SAMD4B: variants seen among roughly 807,000 people sequenced by gnomAD.
SAMD4B encodes protein Smaug homolog 2.
In SAMD4B, 5 loss-of-function variants were observed where a neutral mutation model predicts 74.5. The ratio of observed to expected loss-of-function variants is 0.07; its 90% confidence interval spans 0.04 to 0.14. The LOEUF (loss-of-function observed/expected upper bound fraction) is 0.14, where lower values mean the gene tolerates loss of function less well. Among genes scored for constraint, SAMD4B ranks in the 10% least tolerant of loss-of-function variants. The pLI is 1.00. For synonymous variants in SAMD4B, 373 were observed against 374.9 expected, an observed-to-expected ratio of 1.00 and a Z score of 0.06; for missense variants, 608 against 921.8, an observed-to-expected ratio of 0.66 and a Z score of 4.41.
At chr19:39,367,261 A>G (rs903312348) in intron 3 of SAMD4B, among the ~76,000 whole-genome samples, 2 of 152,114 alleles carry the variant, frequency 1.3e-5, no homozygotes, top group Non-Finnish European at 2.9e-5. Context: ...GCCCATTTCC[A>G]AGACCTCACC....
chr19:39,344,790 A>C (rs2075590529), intron 1 of SAMD4B, among the ~76,000 whole-genome samples: 1 of 151,970 alleles, frequency 6.6e-6, no homozygotes. Context: ...TTGAAATCCC[A>C]GTGCTCCGAG....
intron 3 of SAMD4B, among the ~76,000 whole-genome samples, chr19:39,366,142 G>GC (rs1230225941): frequency 6.6e-6 from 1 of 152,064 alleles, no homozygotes; most frequent in Non-Finnish European, 1.5e-5. Flanking sequence ...ATGGTTAAAC[G>GC]CCCCCTCCAC....
intron 3 of SAMD4B, among the ~76,000 whole-genome samples, chr19:39,366,177 G>A (rs1489500295): frequency 1.3e-5 from 2 of 152,188 alleles, no homozygotes. Context: ...TTAGCCGGGT[G>A]TCATGGTATG....
intron 3 of SAMD4B, among the ~76,000 whole-genome samples, chr19:39,364,674 G>A (rs778133101): frequency 9.2e-5 from 14 of 152,172 alleles, no homozygotes; most frequent in Non-Finnish European, 1.6e-4. Flanking sequence ...GTACCACAGA[G>A]TTCTTATCGT....
At position 39,371,439 on chromosome 19, in the gene SAMD4B, G is replaced by A. The variant is rs2077289531; in HGVS notation, c.667+1314G>A. Among the ~76,000 whole-genome samples the A allele has an allele frequency of 2.0e-5, 3 of 152,310 alleles. No individual in the cohort carries two copies. In the South Asian group the frequency reaches 6.2e-4, roughly 32 times the overall value. ...TTCAGGAAACTTAGCAACCTGAGGT[G>A]TCTTGGACCTCATTTTCCAGTCATG... On this transcript the variant is annotated intron_variant, in intron 4 of 13. Transcript: ENST00000610417.
intron 1 of SAMD4B, chr19:39,352,248 T>C (rs2145308924): frequency 6.6e-6 from 1 of 152,304 alleles, no homozygotes; most frequent in South Asian, 2.1e-4. Context: ...CTAGATCTTC[T>C]CCACCAGTCA....
intron 4 of SAMD4B, 94 bp downstream of exon 4, chr19:39,370,219 G>T: frequency 7.9e-7 from 1 of 1,260,744 alleles, no homozygotes; most frequent in Non-Finnish European, 1.1e-6. Context: ...CATTAGACAA[G>T]TCACATAAGC....
At chr19:39,390,709 G>A, downstream of SAMD4B, 1 of 1,183,066 alleles carries the variant, frequency 8.5e-7, no homozygotes, top group South Asian at 1.3e-5. Flanking sequence ...CTTCGTCAAA[G>A]GTGAGCGCTT....
chr19:39,376,372 CT>C, intron 5 of SAMD4B, 64 bp from the exon 6 acceptor site: 5 of 1,393,466 alleles, frequency 3.6e-6, no homozygotes, highest in Non-Finnish European at 5.0e-6. Context: ...ATCCCCACAA[CT>C]TTTCCTTTAC....
chr19:39,359,941 T>C (rs2076549870), intron 3 of SAMD4B: 1 of 152,160 alleles, frequency 6.6e-6, no homozygotes, highest in Non-Finnish European at 1.5e-5. Context: ...ATCCCAGCAC[T>C]TTGGGAGGCC....
Position 39,375,854 on chromosome 19 carries a change from G to A in SAMD4B, c.872G>A (p.Arg291Gln), listed in dbSNP as rs762752827. Residue 291 changes from arginine (R) to glutamine (Q), a missense_variant, in exon 5 of 14, where the codon CGG becomes CAG. Arg to Gln is a conservative substitution (Grantham distance 43). Around this residue, in one of 9 missense-constraint regions of SAMD4B, gnomAD observed 31 missense variants for 43.4 expected, o/e 0.71. Transcript: ENST00000610417. This position sits in a 1 kb window ranked among gnomAD's most constrained non-coding sequence, Gnocchi z 4.1. ...SEQTEEQGSS[R>Q]NTFQEDGSGM... ...CAGACAGAGGAGCAGGGCTCCAGCC[G>A]GAACACCTTCCAGGAGGATGGCAGT... The A allele has an allele frequency of 1.9e-6, 3 of 1,611,398 alleles. No homozygotes were observed. The highest frequency in any genetic ancestry group is 2.2e-5 in the East Asian group (1 of 44,894).
In SAMD4B at chr19:39,377,589, C is replaced by T. The variant is rs745453629; in HGVS notation, c.1209C>T (p.Ala403=). The T allele has an allele frequency of 2.4e-5, 38 of 1,613,844 alleles. No homozygotes were observed. Among genetic ancestry groups the T allele is most frequent in the East Asian group, 8.9e-5 (4 of 44,886 alleles). The change falls in exon 8 of 14, where the codon GCC becomes GCT. Residue 403 remains alanine, a synonymous_variant. Transcript: ENST00000610417. ...AYSVLQATVA[A]ATTTPTAKDG... is the part of the protein sequence containing the mutation. ...GTGTCCTCCAGGCCACCGTGGCTGCCGCCACCACCACCCCTACTGCCAAGG... is the reference window on the plus strand; with the variant it reads ...GTGTCCTCCAGGCCACCGTGGCTGCTGCCACCACCACCCCTACTGCCAAGG...
intron 3 of SAMD4B, among the ~76,000 whole-genome samples, chr19:39,366,231 G>A (rs541486577): frequency 6.6e-6 from 1 of 152,148 alleles, no homozygotes; most frequent in African/African-American, 2.4e-5. Flanking sequence ...CAGGAGAATC[G>A]CTTGAACCCC....
At chr19:39,365,569 G>T (rs541176810) in intron 3 of SAMD4B, among the ~76,000 whole-genome samples, 1 of 152,040 alleles carries the variant, frequency 6.6e-6, no homozygotes, top group African/African-American at 2.4e-5. Context: ...AAAAAAAATG[G>T]AGGCACACAG....
intron 3 of SAMD4B, among the ~76,000 whole-genome samples, chr19:39,358,740 A>G (rs1157333823): frequency 6.6e-6 from 1 of 152,174 alleles, no homozygotes; most frequent in Non-Finnish European, 1.5e-5. Flanking sequence ...TCAGTTGTTA[A>G]TTGTCAATAA....
chr19:39,382,785 G>A (rs1019152312), intron 12 of SAMD4B, among the ~76,000 whole-genome samples: 3 of 152,226 alleles, frequency 2.0e-5, no homozygotes, highest in Admixed American at 6.5e-5. Context: ...GCAGGTCCAA[G>A]TGGGGACAGG....
chr19:39,386,434 C>T, downstream of SAMD4B: 1 of 1,614,120 alleles, frequency 6.2e-7, no homozygotes, highest in East Asian at 2.2e-5. This position sits in a 1 kb window ranked among gnomAD's most constrained non-coding sequence, Gnocchi z 6.1. Flanking sequence ...ATGAAACCCA[C>T]TTTTCCACCC....
At position 39,370,070 on chromosome 19, in the gene SAMD4B, C is replaced by A. The variant is rs2077194540; in HGVS notation, c.612C>A (p.His204Gln). ...GGGAAAATGGACACGTGCCCTTCCA[C>A]CCATCCAGCTCAGTGCCGCCAGCCA... ...PPRENGHVPF[H>Q]PSSSVPPAIN... Residue 204 changes from histidine to glutamine, a missense_variant, in exon 4 of 14, where the codon CAC (histidine) becomes CAA (glutamine). By Grantham distance (24) the His-to-Gln change is conservative. Coordinates refer to ENST00000610417, the MANE Select transcript of SAMD4B (RefSeq NM_001384574.2). 6.2e-7 allele frequency: 1 copy of A among 1,610,704 alleles called. No individual in the cohort carries two copies. Among genetic ancestry groups the A allele is most frequent in the African/African-American group, 1.3e-5 (1 of 74,942 alleles).
intron 1 of SAMD4B, among the ~76,000 whole-genome samples, chr19:39,345,985 G>T (rs2075677033): frequency 6.6e-6 from 1 of 151,990 alleles, no homozygotes; most frequent in African/African-American, 2.4e-5. Context: ...CCTTTGCCTG[G>T]TGACCTGCCT....
Sources: gnomAD v4.1 joint callset for allele counts (sites outside exome capture counted in the v4.1 genomes callset) on GRCh38, gnomAD v4.1.1 for gene constraint, gnomAD v4.1.1 regional missense constraint, Gnocchi (gnomAD v3.1) non-coding constraint, MANE v1.5 for transcripts, NCBI Gene and HGNC (gene_info 2026-07-23, HGNC 2026-07-21) for gene names.